Variants in ZDHHC2 observed in about 807,000 individuals in gnomAD.
ZDHHC2 encodes the protein palmitoyltransferase ZDHHC2.
A neutral mutation model predicts 55.6 loss-of-function variants in ZDHHC2; 51 were observed. The ratio of observed to expected loss-of-function variants is 0.92; its 90% CI spans 0.73 to 1.16. The LOEUF (loss-of-function observed/expected upper bound fraction) is 1.16, where lower values mean the gene tolerates loss of function less well. Ranked by LOEUF, ZDHHC2 falls within the 50% of genes most tolerant of loss-of-function variation. The probability of loss-of-function intolerance (pLI) is 0.00; values close to 1 mark genes in which losing one functional copy is unlikely to be tolerated. For synonymous variants in ZDHHC2, 199 were observed against 152.9 expected (o/e 1.30, Z -2.22); for missense variants, 491 against 442.4 (o/e 1.11, Z -0.99).
At chr8:17,187,699 G>A (rs186429644) in intron 3 of ZDHHC2, among the ~76,000 whole-genome samples, 10 of 151,808 alleles carry the variant, frequency 6.6e-5, no homozygotes, top group Non-Finnish European at 1.5e-5. Flanking sequence ...CTAGTAGTAG[G>A]TTTGAAGAAA....
rs751929110 is a variant in ZDHHC2, at chr8:17,209,923, T to G, written c.731-9T>G. ...TTACTCATGTGATTCCTTTACCATC[T>G]TTTTTTAGAGGCATTCAGAAGTCCA... On this transcript the variant is annotated splice_polypyrimidine_tract_variant and intron_variant, in intron 8 of 12. Coordinates refer to ENST00000262096, the MANE Select transcript of ZDHHC2 (RefSeq NM_016353.5). 1.9e-6 allele frequency: 3 copies of G among 1,600,250 alleles called. No homozygotes were observed. The highest frequency in any genetic ancestry group is 2.6e-6 in the Non-Finnish European group (3 of 1,174,238).
chr8:17,165,172 A>G (rs1428841253), intron 1 of ZDHHC2, among the ~76,000 whole-genome samples: 2 of 152,222 alleles, frequency 1.3e-5, no homozygotes, highest in Non-Finnish European at 2.9e-5. Flanking sequence ...AAAAGATTTC[A>G]ATTATGAGTC....
chr8:17,208,622 T>A (rs1040152529), intron 8 of ZDHHC2, among the ~76,000 whole-genome samples: 5 of 152,084 alleles, frequency 3.3e-5, no homozygotes, highest in Non-Finnish European at 7.4e-5. Context: ...GCAATGAGGA[T>A]TAATTACAGT....
chr8:17,205,559 A>G, intron 6 of ZDHHC2, 96 bp from the exon 7 acceptor site: 6 of 1,320,712 alleles, frequency 4.5e-6, no homozygotes, highest in Non-Finnish European at 6.0e-6. Context: ...ATGCCAATAA[A>G]TTAGAAGTGA....
At chr8:17,160,723 T>G (rs930415222) in intron 1 of ZDHHC2, among the ~76,000 whole-genome samples, 5 of 152,242 alleles carry the variant, frequency 3.3e-5, no homozygotes, top group Non-Finnish European at 7.3e-5. Context: ...TTTTAGAGAT[T>G]TAAAGGGCTT....
chr8:17,183,757 C>T (rs1805554319), intron 1 of ZDHHC2, among the ~76,000 whole-genome samples: 1 of 152,010 alleles, frequency 6.6e-6, no homozygotes, highest in Non-Finnish European at 1.5e-5. Context: ...ATTTCAACAC[C>T]CTGGAAGGAT....
chr8:17,201,318 C>G (rs73546450), intron 6 of ZDHHC2, among the ~76,000 whole-genome samples: 4,169 of 151,720 alleles, frequency 0.027, 202 homozygotes, highest in African/African-American at 0.095. Context: ...GAATCTGTTT[C>G]TTTTTGTTTT....
intron 3 of ZDHHC2, among the ~76,000 whole-genome samples, chr8:17,194,547 T>G (rs2150920969): frequency 6.6e-6 from 1 of 152,118 alleles, no homozygotes; most frequent in East Asian, 1.9e-4. Context: ...TCTTTCTTCT[T>G]TATAATTTTA....
chr8:17,170,836 G>A (rs1327280104), intron 1 of ZDHHC2, among the ~76,000 whole-genome samples: 2 of 152,136 alleles, frequency 1.3e-5, no homozygotes, highest in Non-Finnish European at 2.9e-5. Flanking sequence ...ATATACATGT[G>A]GGACGTTTTG....
At chr8:17,183,727 T>TA (rs1805553051) in intron 1 of ZDHHC2, among the ~76,000 whole-genome samples, 2 of 152,106 alleles carry the variant, frequency 1.3e-5, no homozygotes, top group African/African-American at 4.8e-5. Flanking sequence ...GTATCACAGG[T>TA]AAAAGTCACA....
intron 7 of ZDHHC2, among the ~76,000 whole-genome samples, chr8:17,207,023 T>A (rs949189062): frequency 4.6e-5 from 7 of 152,204 alleles, no homozygotes; most frequent in Admixed American, 4.6e-4. Flanking sequence ...TGGGAGAGCA[T>A]TACCTCACTG....
chr8:17,184,762 AC>A (rs1439251979), intron 1 of ZDHHC2, 26 bp from the exon 2 acceptor site: 1 of 1,545,968 alleles, frequency 6.5e-7, no homozygotes, highest in African/African-American at 1.4e-5. Flanking sequence ...GCTTCATGTA[AC>A]CTATTACCTT....
At chr8:17,175,227 G>C (rs996129867) in intron 1 of ZDHHC2, among the ~76,000 whole-genome samples, 4 of 152,300 alleles carry the variant, frequency 2.6e-5, no homozygotes, top group Non-Finnish European at 5.9e-5. Context: ...TCTGGACAGG[G>C]CGTTGTGGGT....
At chr8:17,168,068 G>C (rs1804689981) in intron 1 of ZDHHC2, among the ~76,000 whole-genome samples, 1 of 151,972 alleles carries the variant, frequency 6.6e-6, no homozygotes, top group African/African-American at 2.4e-5. Context: ...ATTTAGCTCT[G>C]ATTTAAGGCA....
intron 1 of ZDHHC2, among the ~76,000 whole-genome samples, chr8:17,172,832 C>G (rs531283591): frequency 1.2e-4 from 18 of 152,178 alleles, no homozygotes; most frequent in Non-Finnish European, 5.9e-5. Context: ...ATCTCTTACT[C>G]TTTCTAGTAT....
At chr8:17,161,386 G>A (rs1196014933) in intron 1 of ZDHHC2, among the ~76,000 whole-genome samples, 1 of 152,162 alleles carries the variant, frequency 6.6e-6, no homozygotes, top group Non-Finnish European at 1.5e-5. Flanking sequence ...AAAAGAACAG[G>A]CAGTAGATCT....
At position 17,215,302 on chromosome 8, in the gene ZDHHC2, C is replaced by A; in HGVS notation, c.1016C>A (p.Ser339Tyr). ...TCCCAGAGCCACCTTCTTACTGATT[C>A]TCAGTCTTGGACGGAGAGCAGCATA... ...RESQSHLLTD[S>Y]QSWTESSINP... is the part of the protein sequence containing the mutation. Residue 339 changes from serine (S) to tyrosine (Y), a missense_variant, in exon 11 of 13, where the codon TCT (serine) becomes TAT (tyrosine). By Grantham distance (144) the Ser-to-Tyr change is moderately radical. Coordinates refer to ENST00000262096, the MANE Select transcript of ZDHHC2 (RefSeq NM_016353.5). The A allele has an allele frequency of 6.2e-7, 1 of 1,600,322 alleles. No individual in the cohort carries two copies. Among genetic ancestry groups the A allele is most frequent in the East Asian group, 2.2e-5 (1 of 44,468 alleles).
chr8:17,184,141 T>G (rs763005028), intron 1 of ZDHHC2, among the ~76,000 whole-genome samples: 2 of 152,186 alleles, frequency 1.3e-5, no homozygotes, highest in Non-Finnish European at 2.9e-5. Context: ...ATGTCTTGAT[T>G]ACTAAATACA....
chr8:17,178,131 A>T (rs73198508), intron 1 of ZDHHC2, among the ~76,000 whole-genome samples: 1,931 of 152,200 alleles, frequency 0.013, 16 homozygotes, highest in Non-Finnish European at 0.018. Context: ...TGAATTTTGG[A>T]TATATTTATG....
Sources: gnomAD v4.1 joint callset for allele counts (sites outside exome capture counted in the v4.1 genomes callset) on GRCh38, gnomAD v4.1.1 for gene constraint, MANE v1.5 for transcripts, NCBI Gene and HGNC (gene_info 2026-07-23, HGNC 2026-07-21) for gene names.